The following ZNF354C variants were observed in gnomAD, a reference collection of about 807,000 sequenced individuals.
ZNF354C encodes KRAB-zinc finger protein synten.
Under a neutral mutation model 12.4 loss-of-function variants are expected in ZNF354C, and 7 were observed. That is an observed-to-expected ratio of 0.56 (90% CI 0.32 to 1.06). The LOEUF (loss-of-function observed/expected upper bound fraction) is 1.06. Ranked by LOEUF, ZNF354C falls within the 50% of genes least tolerant of loss-of-function variation. The probability of loss-of-function intolerance (pLI) is 0.04; values close to 1 mark genes in which losing one functional copy is unlikely to be tolerated. For missense variants in ZNF354C, 609 were observed against 658.0 expected (o/e 0.93, Z 0.81); for synonymous variants, 202 against 224.5 (o/e 0.90, Z 0.90).
chr5:179,064,507 C>G (rs999185927), intron 2 of ZNF354C, among the ~76,000 whole-genome samples: 1 of 152,018 alleles, frequency 6.6e-6, no homozygotes, highest in Non-Finnish European at 1.5e-5. Flanking sequence ...AGCTCCGCCT[C>G]CCGGGTTCAC....
chr5:179,067,497 C>G (rs572518308), intron 2 of ZNF354C, among the ~76,000 whole-genome samples: 12 of 152,276 alleles, frequency 7.9e-5, no homozygotes, highest in Non-Finnish European at 1.5e-4. Context: ...TCACATTATA[C>G]AAAGAGCACG....
chr5:179,082,070 A>G lies in ZNF354C; in HGVS notation c.*1973A>G, dbSNP rs1278452572. On this transcript the variant is annotated 3_prime_UTR_variant, in exon 5 of 5. Coordinates refer to ENST00000315475, the MANE Select transcript of ZNF354C (RefSeq NM_014594.3). ...TACATGGAATGATAGATTTGGAAAA[A>G]TTACCATTTTACAACCCTTAATGTA... 1 of 152,396 alleles carries G rather than the reference A, an allele frequency of 6.6e-6. No individual in the cohort carries two copies. The highest frequency in any genetic ancestry group is 1.9e-4 in the East Asian group (1 of 5,194). 9.4% of individuals were successfully genotyped at this position (152,396 alleles called of 1,614,324 possible).
At chr5:179,067,552 T>C (rs2411985) in intron 2 of ZNF354C, among the ~76,000 whole-genome samples, 46,557 of 152,104 alleles carry the variant, frequency 0.31, 7,753 homozygotes, top group South Asian at 0.42. Flanking sequence ...GAAAGTATAA[T>C]CTTCCACATT....
intron 2 of ZNF354C, among the ~76,000 whole-genome samples, chr5:179,065,123 A>G (rs946173772): frequency 3.3e-5 from 5 of 152,200 alleles, no homozygotes; most frequent in African/African-American, 1.2e-4. Context: ...CACAGTTATC[A>G]TACCCTGCAC....
At position 179,083,344 on chromosome 5, in the gene ZNF354C, T is replaced by C. The variant is rs1762254623; in HGVS notation, c.*3247T>C. 1 of 163,736 alleles carries C rather than the reference T, an allele frequency of 6.1e-6. No individual in the cohort carries two copies. Among genetic ancestry groups the C allele is most frequent in the Non-Finnish European group, 1.3e-5 (1 of 76,052 alleles). The allele number at this position is 163,736 out of a possible 1,614,324, so 10.1% of individuals were successfully genotyped here. A position where few individuals can be genotyped will look rare whatever the true frequency, so the allele number is the denominator to read the frequency against. On this transcript the variant is annotated 3_prime_UTR_variant, in exon 5 of 5. Transcript: ENST00000315475. ...GGATAATGTTCTAATTCTTAGGAGA[T>C]GCATGCAGAAGTTTTTTTTTTAAGT...
In ZNF354C at chr5:179,060,900, G is replaced by T. The variant is rs1194256942; in HGVS notation, c.-55+234G>T. ...GTACGCTGTTCCCGCTCTGTCAGGA[G>T]GAGACCGAGGCAGAGTGGCGAGGTC... On this transcript the variant is annotated intron_variant, in intron 1 of 4. Transcript: ENST00000315475. The surrounding 1 kb of genome is among the most constrained non-coding windows in gnomAD (Gnocchi z 4.2). Among the ~76,000 whole-genome samples, 1 of 152,218 alleles carries T rather than the reference G, an allele frequency of 6.6e-6. No homozygotes were observed. Among genetic ancestry groups the T allele is most frequent in the Non-Finnish European group, 1.5e-5 (1 of 68,038 alleles).
chr5:179,064,795 A>G (rs753098667), intron 2 of ZNF354C, among the ~76,000 whole-genome samples: 7 of 152,118 alleles, frequency 4.6e-5, no homozygotes, highest in African/African-American at 1.4e-4. Flanking sequence ...AGTCAGTGCA[A>G]TGGTGATATC....
In ZNF354C at chr5:179,081,690, A is replaced by ATGCT. The variant is rs1762228453; in HGVS notation, c.*1595_*1598dup. On this transcript the variant is annotated 3_prime_UTR_variant, in exon 5 of 5. Coordinates refer to ENST00000315475, the MANE Select transcript of ZNF354C (RefSeq NM_014594.3). ...AACATTGTACCCAGTAGTGGTGAGC[A>ATGCT]TGCTTAGTACCCAAATTTTGGTTTC... 6.6e-6 allele frequency: 1 copy of ATGCT among 152,216 alleles called. No homozygotes were observed. The highest frequency in any genetic ancestry group is 2.4e-5 in the African/African-American group (1 of 41,466). The allele number at this position is 152,216 out of a possible 1,614,324, so 9.4% of individuals were successfully genotyped here.
At chr5:179,076,353 A>C in intron 2 of ZNF354C, 92 bp from the exon 3 acceptor site, 2 of 1,566,096 alleles carry the variant, frequency 1.3e-6, no homozygotes, top group Non-Finnish European at 1.7e-6. Flanking sequence ...TAGAATCCTG[A>C]GATTTTCTGT....
In ZNF354C at chr5:179,061,908, G is replaced by T; in HGVS notation, c.-54-107G>T. The T allele has an allele frequency of 5.3e-6, 4 of 760,950 alleles. No homozygotes were observed. The Admixed American group carries it at 5.7e-5, about 11-fold the overall frequency. The allele number at this position is 760,950 out of a possible 1,614,324, so 47.1% of individuals were successfully genotyped here. On this transcript the variant is annotated intron_variant, in intron 1 of 4. Coordinates refer to ENST00000315475, the MANE Select transcript of ZNF354C (RefSeq NM_014594.3). The stretch of plus-strand genomic sequence containing the variant: ...CTCTTCTTGCTTTACATCATTACGG[G>T]GGGTGGCTTTTTTGAGACCTGATGG...
At chr5:179,074,576 C>T (rs1056562844) in intron 2 of ZNF354C, among the ~76,000 whole-genome samples, 6 of 152,124 alleles carry the variant, frequency 3.9e-5, no homozygotes, top group African/African-American at 1.4e-4. Flanking sequence ...TGAGCTCTCC[C>T]ACACCAAGAT....
In ZNF354C at chr5:179,060,640, G is replaced by A. The variant is rs1761875403; in HGVS notation, c.-81G>A. On this transcript the variant is annotated 5_prime_UTR_variant, in exon 1 of 5. Coordinates refer to ENST00000315475, the MANE Select transcript of ZNF354C (RefSeq NM_014594.3). The surrounding 1 kb of genome is among the most constrained non-coding windows in gnomAD (Gnocchi z 4.2). ...TCCGCGAGCGGCCTGGACTGCCGGAGACCCGCGGGAGGGAGCGCCTCGCCA... is the reference window on the plus strand; with the variant it reads ...TCCGCGAGCGGCCTGGACTGCCGGAAACCCGCGGGAGGGAGCGCCTCGCCA... The A allele has an allele frequency of 6.6e-6, 1 of 152,388 alleles. No homozygotes were observed. Among genetic ancestry groups the A allele is most frequent in the African/African-American group, 2.4e-5 (1 of 41,468 alleles). The allele number at this position is 152,388 out of a possible 1,614,324, so 9.4% of individuals were successfully genotyped here.
intron 4 of ZNF354C, among the ~76,000 whole-genome samples, chr5:179,077,953 A>G (rs1429259485): frequency 6.6e-6 from 1 of 151,876 alleles, no homozygotes; most frequent in Non-Finnish European, 1.5e-5. Flanking sequence ...CCACAGGTAC[A>G]TGCCACCACG....
At chr5:179,076,342 T>C (rs1425116597) in intron 2 of ZNF354C, 103 bp from the exon 3 acceptor site, 1 of 1,544,900 alleles carries the variant, frequency 6.5e-7, no homozygotes, top group Non-Finnish European at 8.8e-7. Context: ...ACGTGAATTA[T>C]TAGAATCCTG....
chr5:179,082,682 G>A lies in ZNF354C; in HGVS notation c.*2585G>A, dbSNP rs1762245140. 3.1e-6 allele frequency: 5 copies of A among 1,592,152 alleles called. No homozygotes were observed. Among genetic ancestry groups the A allele is most frequent in the African/African-American group, 1.3e-5 (1 of 74,126 alleles). ...TGCTTTGTGGATGTGGTTAGTCAAT[G>A]ACACCAGCTTGACGGATCTTTCTTT... On this transcript the variant is annotated 3_prime_UTR_variant, in exon 5 of 5. Transcript: ENST00000315475.
chr5:179,068,922 C>T (rs2411912), intron 2 of ZNF354C, among the ~76,000 whole-genome samples: 26,529 of 152,256 alleles, frequency 0.17, 2,616 homozygotes, highest in South Asian at 0.33. Flanking sequence ...CATGGCCTCT[C>T]CTGCGCATGA....
chr5:179,070,834 G>T (rs1428298263), intron 2 of ZNF354C, among the ~76,000 whole-genome samples: 1 of 140,030 alleles, frequency 7.1e-6, no homozygotes, highest in Non-Finnish European at 1.5e-5. Flanking sequence ...TAGCAGCCTT[G>T]ATCGCTCTTT....
Position 179,082,984 on chromosome 5 carries a change from T to C in ZNF354C, c.*2887T>C. On this transcript the variant is annotated 3_prime_UTR_variant, in exon 5 of 5. Coordinates refer to ENST00000315475, the MANE Select transcript of ZNF354C (RefSeq NM_014594.3). ...TCTTTCATATGGAAAAAGAGCTTCT[T>C]GCTATCCCCTACTTCATAGTTAATG... 8.9e-6 allele frequency: 7 copies of C among 786,332 alleles called. No individual in the cohort carries two copies. The highest frequency in any genetic ancestry group is 1.5e-5 in the Non-Finnish European group (7 of 453,414). The allele number at this position is 786,332 out of a possible 1,614,324, so 48.7% of individuals were successfully genotyped here.
intron 2 of ZNF354C, among the ~76,000 whole-genome samples, chr5:179,064,284 C>A (rs1006618314): frequency 6.6e-6 from 1 of 152,208 alleles, no homozygotes; most frequent in East Asian, 1.9e-4. Flanking sequence ...CTCTGTCGCC[C>A]AGGCTGGAGT....
Sources: gnomAD v4.1 joint callset for allele counts (sites outside exome capture counted in the v4.1 genomes callset) on GRCh38, gnomAD v4.1.1 for gene constraint, Gnocchi (gnomAD v3.1) non-coding constraint, MANE v1.5 for transcripts, NCBI Gene and HGNC (gene_info 2026-07-23, HGNC 2026-07-21) for gene names.